Variants in PTK7 observed in about 807,000 individuals in gnomAD.
PTK7 encodes the protein protein tyrosine kinase 7 (inactive), also known as inactive tyrosine-protein kinase 7.
Under a neutral mutation model 116.6 loss-of-function variants are expected in PTK7, and 39 were observed. The ratio of observed to expected loss-of-function variants is 0.33; its 90% CI spans 0.26 to 0.44. PTK7 has a LOEUF of 0.44. Ranked by LOEUF, PTK7 falls within the 20% of genes least tolerant of loss-of-function variation. The pLI is 1.00. For synonymous variants in PTK7, 546 were observed against 563.6 expected (o/e 0.97, Z 0.44); for missense variants, 1,169 against 1,425.6 (o/e 0.82, Z 2.90).
intron 17 of PTK7, among the ~76,000 whole-genome samples, chr6:43,149,023 C>T (rs370973201): frequency 7.3e-6 from 1 of 137,094 alleles, no homozygotes; most frequent in South Asian, 2.3e-4. Flanking sequence ...CGTGCCATTG[C>T]ACTCCAGCCT....
intron 1 of PTK7, among the ~76,000 whole-genome samples, chr6:43,106,650 C>CTTTTTTT (rs11312929): frequency 1.0e-5 from 1 of 98,586 alleles, no homozygotes; most frequent in Admixed American, 1.3e-4. Context: ...TCCTCCCTGC[C>CTTTTTTT]TTTTTTTTTT....
intron 1 of PTK7, among the ~76,000 whole-genome samples, chr6:43,095,566 G>A (rs1177972148): frequency 6.6e-6 from 1 of 152,156 alleles, no homozygotes; most frequent in Non-Finnish European, 1.5e-5. Context: ...TGGAAGGCAA[G>A]AACTTAAGAG....
intron 1 of PTK7, among the ~76,000 whole-genome samples, chr6:43,115,202 T>C (rs189076871): frequency 1.1e-3 from 166 of 152,274 alleles, no homozygotes; most frequent in African/African-American, 3.5e-3. Context: ...CTGATTTTTT[T>C]TAAAGTATGA....
Position 43,076,559 on chromosome 6 carries a change from T to C in PTK7, c.71T>C (p.Leu24Pro). The change falls in exon 1 of 20, where the codon CTG becomes CCG. Residue 24 changes from leucine to proline, a missense_variant. By Grantham distance (98) the Leu-to-Pro change is moderately conservative (BLOSUM62 -3). Coordinates refer to ENST00000230419, the MANE Select transcript of PTK7 (RefSeq NM_002821.5). This position sits in a 1 kb window ranked among gnomAD's most constrained non-coding sequence, Gnocchi z 5.7. ...LPLLSVLLLP[L>P]LGGTQTAIVF... ...CTGCTCAGCGTCCTGCTGCTGCCGCTGCTGGGCGGTGAGTACCCGAGAGTT... is the reference window on the plus strand; with the variant it reads ...CTGCTCAGCGTCCTGCTGCTGCCGCCGCTGGGCGGTGAGTACCCGAGAGTT... 6.3e-7 allele frequency: 1 copy of C among 1,575,954 alleles called. No individual in the cohort carries two copies.
chr6:43,080,442 C>G (rs929113491), intron 1 of PTK7, among the ~76,000 whole-genome samples: 13 of 152,218 alleles, frequency 8.5e-5, no homozygotes, highest in South Asian at 6.2e-4. Context: ...AATTTGTATT[C>G]TTTTTTATTG....
intron 1 of PTK7, among the ~76,000 whole-genome samples, chr6:43,127,696 G>A (rs530175834): frequency 3.9e-4 from 59 of 152,148 alleles, no homozygotes; most frequent in Non-Finnish European, 6.3e-4. Flanking sequence ...TTGGGAGGCC[G>A]AGGCGGGCGG....
chr6:43,107,758 C>T (rs1767973302), intron 1 of PTK7, among the ~76,000 whole-genome samples: 1 of 152,226 alleles, frequency 6.6e-6, no homozygotes, highest in Non-Finnish European at 1.5e-5. Flanking sequence ...GCTGGTTCCA[C>T]ATCATGTTGG....
chr6:43,122,701 G>T (rs1250334599), intron 1 of PTK7, among the ~76,000 whole-genome samples: 1 of 150,554 alleles, frequency 6.6e-6, no homozygotes, highest in African/African-American at 2.5e-5. Flanking sequence ...CTGTCTCCCT[G>T]GTTCAAGCGA....
chr6:43,143,428 C>T lies in PTK7; in HGVS notation c.2059C>T (p.Pro687Ser), dbSNP rs1220970751. The part of the protein sequence containing the change: ...APLYVVDKPV[P>S]EESEGPGSPP... ...TGTGTGTCTCTCAGACAAGCCTGTG[C>T]CGGAGGAGTCGGAGGGCCCTGGCAG... Residue 687 changes from proline (P) to serine (S), a missense_variant, in exon 14 of 20, where the codon CCG (proline) becomes TCG (serine). Pro to Ser is a moderately conservative substitution (Grantham distance 74). Coordinates refer to ENST00000230419, the MANE Select transcript of PTK7 (RefSeq NM_002821.5). This position sits in a 1 kb window ranked among gnomAD's most constrained non-coding sequence, Gnocchi z 4.2. 38 of 1,613,748 alleles carry T rather than the reference C, an allele frequency of 2.4e-5. No homozygotes were observed. The highest frequency in any genetic ancestry group is 3.2e-5 in the Non-Finnish European group (38 of 1,179,992).
chr6:43,152,111 T>C lies in PTK7; in HGVS notation c.2721+5413T>C, dbSNP rs564747422. Among the ~76,000 whole-genome samples the C allele has an allele frequency of 5.4e-3, 810 of 150,804 alleles. 8 individuals carry two copies. Among genetic ancestry groups the C allele is most frequent in the African/African-American group, 0.018 (752 of 41,142 alleles). ...ATCCACCCGCCTCGGCCTCCCAAAG[T>C]GAGCCACCGCTCAAAGACGTGAGCC... is the stretch of plus-strand genomic sequence containing the variant. On this transcript the variant is annotated intron_variant, in intron 17 of 19. Coordinates refer to ENST00000230419, the MANE Select transcript of PTK7 (RefSeq NM_002821.5).
Position 43,159,812 on chromosome 6 carries a change from C to T in PTK7, c.2898C>T (p.Ala966=), listed in dbSNP as rs1446914186. Residue 966 remains alanine, a synonymous_variant, in exon 19 of 20, where the codon GCC becomes GCT. Coordinates refer to ENST00000230419, the MANE Select transcript of PTK7 (RefSeq NM_002821.5). ...YNSEYYHFRQ[A]WVPLRWMSPE... is the part of the protein sequence containing the mutation. The stretch of plus-strand genomic sequence containing the variant: ...GTGAGTACTACCACTTCCGCCAGGC[C>T]TGGGTGCCGCTGCGCTGGATGTCCC... 15 of 1,614,244 alleles carry T rather than the reference C, an allele frequency of 9.3e-6. No individual in the cohort carries two copies. Among genetic ancestry groups the T allele is most frequent in the Non-Finnish European group, 1.3e-5 (15 of 1,180,040 alleles).
chr6:43,124,932 G>T (rs1197858462), intron 1 of PTK7, among the ~76,000 whole-genome samples: 1 of 152,190 alleles, frequency 6.6e-6, no homozygotes, highest in East Asian at 1.9e-4. Context: ...CAGCACTTTG[G>T]GAGGCCGAGG....
chr6:43,100,266 C>T (rs1242618100), intron 1 of PTK7, among the ~76,000 whole-genome samples: 1 of 151,626 alleles, frequency 6.6e-6, no homozygotes, highest in Non-Finnish European at 1.5e-5. Context: ...GCCTATAGTC[C>T]CAGCTACTCA....
intron 1 of PTK7, among the ~76,000 whole-genome samples, chr6:43,106,933 T>A (rs1294467253): frequency 4.9e-5 from 7 of 142,374 alleles, no homozygotes; most frequent in Non-Finnish European, 9.2e-5. Context: ...TGAATTTTTT[T>A]TTTTTTTGAG....
chr6:43,083,708 G>A (rs1766497348), intron 1 of PTK7, among the ~76,000 whole-genome samples: 1 of 152,170 alleles, frequency 6.6e-6, no homozygotes, highest in Admixed American at 6.6e-5. Context: ...TCTGCTGTGT[G>A]CATTAACTGG....
At chr6:43,116,332 C>T (rs370628324) in intron 1 of PTK7, among the ~76,000 whole-genome samples, 7 of 152,312 alleles carry the variant, frequency 4.6e-5, no homozygotes, top group South Asian at 2.1e-4. Flanking sequence ...GGGGCATGTT[C>T]GCCTCCTGCA....
intron 1 of PTK7, among the ~76,000 whole-genome samples, chr6:43,091,623 C>T (rs12196299): frequency 0.28 from 41,906 of 152,024 alleles, 5,918 homozygotes; most frequent in African/African-American, 0.3. Context: ...TAATTAATTA[C>T]GGTAGTCACC....
At chr6:43,091,304 G>T (rs545571258) in intron 1 of PTK7, among the ~76,000 whole-genome samples, 3 of 152,078 alleles carry the variant, frequency 2.0e-5, no homozygotes, top group Admixed American at 2.0e-4. Flanking sequence ...GGGACTACAG[G>T]CCCACACCAC....
At chr6:43,101,967 G>A (rs774619509) in intron 1 of PTK7, among the ~76,000 whole-genome samples, 6 of 152,028 alleles carry the variant, frequency 3.9e-5, no homozygotes, top group East Asian at 1.9e-4. Context: ...AGGCCGAGGC[G>A]GGCAGATCAT....
Sources: allele counts gnomAD v4.1 joint callset (sites outside exome capture counted in the v4.1 genomes callset), GRCh38; gene constraint gnomAD v4.1.1; non-coding constraint Gnocchi (gnomAD v3.1); transcripts MANE v1.5; gene names NCBI Gene and HGNC (gene_info 2026-07-23, HGNC 2026-07-21).